Variants in KRT222 observed in about 807,000 individuals in gnomAD.
The protein encoded by KRT222 is keratin-like protein KRT222.
Under a neutral mutation model 35.0 loss-of-function variants are expected in KRT222, and 23 were observed. That is an observed-to-expected ratio of 0.66 (90% CI 0.47 to 0.93). KRT222 has a LOEUF of 0.93. Ranked by LOEUF, KRT222 falls within the 40% of genes least tolerant of loss-of-function variation. The probability of loss-of-function intolerance (pLI) is 0.00; values close to 1 mark genes in which losing one functional copy is unlikely to be tolerated. For synonymous variants in KRT222, 108 were observed against 118.8 expected, an observed-to-expected ratio of 0.91 and a Z score of 0.59; for missense variants, 339 against 346.3, an observed-to-expected ratio of 0.98 and a Z score of 0.17.
chr17:40,660,901 A>C (rs1163076180), intron 2 of KRT222, among the ~76,000 whole-genome samples: 1 of 152,088 alleles, frequency 6.6e-6, no homozygotes, highest in East Asian at 1.9e-4. Context: ...TCAAGGCCAG[A>C]GCAGACTGCT....
chr17:40,656,422 G>C lies in KRT222; in HGVS notation c.868C>G (p.Pro290Ala). The change falls in exon 6 of 6, where the codon CCT becomes GCT. Residue 290 changes from proline to alanine, a missense_variant. Pro to Ala is a conservative substitution (Grantham distance 27). Transcript: ENST00000394052. ...RRSCSIPSIKPPSTAN is the reference protein window; with the variant it reads ...RRSCSIPSIKAPSTAN ...TTGGATTAATTAGCTGTTGATGGAGGTTTGATAGAGGGAATACTGCATGAT... is the reference window on the plus strand; with the variant it reads ...TTGGATTAATTAGCTGTTGATGGAGCTTTGATAGAGGGAATACTGCATGAT... The C allele has an allele frequency of 6.2e-7, 1 of 1,613,094 alleles. No individual in the cohort carries two copies. Among genetic ancestry groups the C allele is most frequent in the East Asian group, 2.2e-5 (1 of 44,812 alleles).
intron 1 of KRT222, 151 bp from the exon 2 acceptor site, chr17:40,662,195 G>T: frequency 1.2e-6 from 1 of 836,806 alleles, no homozygotes. Flanking sequence ...CTAGTGCCTA[G>T]TTAACTAATT....
At chr17:40,664,813 G>A (rs767921042) in intron 1 of KRT222, 191 bp downstream of exon 1, 23 of 916,884 alleles carry the variant, frequency 2.5e-5, no homozygotes, top group African/African-American at 6.7e-5. Context: ...TTACTTAATG[G>A]CAATTTAACA....
intron 2 of KRT222, 63 bp downstream of exon 2, chr17:40,661,853 C>T: frequency 6.5e-7 from 1 of 1,550,088 alleles, no homozygotes; most frequent in East Asian, 2.3e-5. Context: ...TCATCTTTTC[C>T]TTCTCTTAAT....
At chr17:40,661,771 T>C in intron 2 of KRT222, 145 bp downstream of exon 2, 1 of 981,074 alleles carries the variant, frequency 1.0e-6, no homozygotes. Flanking sequence ...GAGGGGTGAG[T>C]AATTAAACTA....
chr17:40,659,554 G>A (rs2037368607), intron 3 of KRT222, among the ~76,000 whole-genome samples: 1 of 152,050 alleles, frequency 6.6e-6, no homozygotes, highest in South Asian at 2.1e-4. Context: ...CTCCCAAGTA[G>A]CTGGGACTAC....
Position 40,664,988 on chromosome 17 carries a change from T to G in KRT222, c.96+16A>C. On this transcript the variant is annotated intron_variant, in intron 1 of 5. Coordinates refer to ENST00000394052, the MANE Select transcript of KRT222 (RefSeq NM_152349.3). ...CTCCTTATTCTGGAAGGTGCCTGTC[T>G]GTATGAAATCATTACCTGGATCCTT... 1 of 1,613,936 alleles carries G rather than the reference T, an allele frequency of 6.2e-7. No individual in the cohort carries two copies. The highest frequency in any genetic ancestry group is 8.5e-7 in the Non-Finnish European group (1 of 1,179,974).
intron 1 of KRT222, among the ~76,000 whole-genome samples, chr17:40,664,020 A>AT (rs2037403692): frequency 6.6e-6 from 1 of 152,178 alleles, no homozygotes; most frequent in Non-Finnish European, 1.5e-5. Flanking sequence ...TAGAGGTGAA[A>AT]TTTACAATGG....
chr17:40,657,231 C>T, intron 5 of KRT222, 121 bp downstream of exon 5: 1 of 540,476 alleles, frequency 1.9e-6, no homozygotes, highest in Non-Finnish European at 2.8e-6. Flanking sequence ...AAAAAAATCA[C>T]AGTATACTAA....
chr17:40,663,055 T>C (rs562273937), intron 1 of KRT222, among the ~76,000 whole-genome samples: 1 of 152,324 alleles, frequency 6.6e-6, no homozygotes, highest in South Asian at 2.1e-4. Flanking sequence ...TGAAAATCTG[T>C]TCTTAGTGTT....
rs778148377 is a variant in KRT222 at position 40,662,033 on chromosome 17, GTCT to G, written c.105_107del (p.Glu35del). 5.6e-6 allele frequency: 9 copies of G among 1,613,238 alleles called. No homozygotes were observed. The African/African-American group carries it at 6.7e-5, about 12-fold the overall frequency. Reference sequence around the variant, plus strand: ...CATCTTTGTCCATTTTTTTGCTTATGTCTTCTTCTAGCTAACAAGAAAGCCAAC... The same window carrying G: ...CATCTTTGTCCATTTTTTTGCTTATGTCTTCTAGCTAACAAGAAAGCCAAC... On this transcript the variant is annotated inframe_deletion, in exon 2 of 6. Transcript: ENST00000394052.
chr17:40,665,152 G>A lies in KRT222; in HGVS notation c.-53C>T, dbSNP rs1248973313. 6.5e-6 allele frequency: 10 copies of A among 1,539,964 alleles called. No homozygotes were observed. Among genetic ancestry groups the A allele is most frequent in the Non-Finnish European group, 9.0e-6 (10 of 1,115,616 alleles). On this transcript the variant is annotated 5_prime_UTR_variant, in exon 1 of 6. Transcript: ENST00000394052. ...CTGAACCTTATCGATAGGATGAGTC[G>A]CTGCGGCAGTCTGCTCGGTCTGCGC...
chr17:40,662,794 A>T (rs1311124911), intron 1 of KRT222, among the ~76,000 whole-genome samples: 1 of 152,210 alleles, frequency 6.6e-6, no homozygotes, highest in Non-Finnish European at 1.5e-5. Flanking sequence ...ATGAAAAGAA[A>T]GTATCTGTTG....
chr17:40,663,299 C>T (rs2037398001), intron 1 of KRT222, among the ~76,000 whole-genome samples: 1 of 152,196 alleles, frequency 6.6e-6, no homozygotes, highest in South Asian at 2.1e-4. Flanking sequence ...TGACTCTGGG[C>T]TGACCTGGGT....
At position 40,655,615 on chromosome 17, in the gene KRT222, A is replaced by G. The variant is rs1488788381; in HGVS notation, c.*787T>C. Reference sequence around the variant, plus strand: ...TAACTACCTTTTCAATTTGCTTTTCATGTTTTGTTTGCGCAGTTGGCCTTC... The same window carrying G: ...TAACTACCTTTTCAATTTGCTTTTCGTGTTTTGTTTGCGCAGTTGGCCTTC... On this transcript the variant is annotated 3_prime_UTR_variant, in exon 6 of 6. Coordinates refer to ENST00000394052, the MANE Select transcript of KRT222 (RefSeq NM_152349.3). 1.3e-5 allele frequency: 2 copies of G among 152,000 alleles called. No homozygotes were observed. The highest frequency in any genetic ancestry group is 2.1e-4 in the South Asian group (1 of 4,822). 9.4% of individuals were successfully genotyped at this position (152,000 alleles called of 1,614,324 possible).
In KRT222 at chr17:40,660,097, CCTTA is replaced by C. The variant is rs1478631290; in HGVS notation, c.332_335del (p.Val111GlyfsTer19). 2 of 1,613,994 alleles carry C rather than the reference CCTTA, an allele frequency of 1.2e-6. No individual in the cohort carries two copies. Among genetic ancestry groups the C allele is most frequent in the African/African-American group, 2.7e-5 (2 of 74,906 alleles). ...CTTGAAGCTGCTTTTCGATGCCGCG[CCTTA>C]CTTCCTGTAGCTCTTTTTCTAGTCC... On this transcript the variant is annotated frameshift_variant, in exon 3 of 6. Transcript: ENST00000394052. LOFTEE classifies it high-confidence loss of function.
chr17:40,664,628 A>T (rs925459884), intron 1 of KRT222, among the ~76,000 whole-genome samples: 2 of 152,218 alleles, frequency 1.3e-5, no homozygotes, highest in Admixed American at 6.5e-5. Flanking sequence ...CATTTTAAAG[A>T]TGTTATTTAA....
chr17:40,657,825 A>G (rs2037356194), intron 3 of KRT222, 75 bp from the exon 4 acceptor site: 2 of 989,702 alleles, frequency 2.0e-6, no homozygotes, highest in Non-Finnish European at 3.2e-6. Flanking sequence ...GAGAATGGAT[A>G]AATCGTATAT....
At position 40,665,090 on chromosome 17, in the gene KRT222, A is replaced by T; in HGVS notation, c.10T>A (p.Ser4Thr). The T allele has an allele frequency of 1.2e-6, 2 of 1,613,862 alleles. No homozygotes were observed. The highest frequency in any genetic ancestry group is 1.7e-6 in the Non-Finnish European group (2 of 1,179,942). The change falls in exon 1 of 6, where the codon TCC becomes ACC. Residue 4 changes from serine to threonine, a missense_variant. Ser to Thr is a moderately conservative substitution (Grantham distance 58). Transcript: ENST00000394052. Reference protein sequence around the residue: MELSQLLNEIRANY... With the variant: MELTQLLNEIRANY... Reference sequence around the variant, plus strand: ...GCCCTGATCTCATTGAGTAGCTGGGACAGTTCCATTCTTTTCCCATCCTCC... The same window carrying T: ...GCCCTGATCTCATTGAGTAGCTGGGTCAGTTCCATTCTTTTCCCATCCTCC...
Sources: gnomAD v4.1 joint callset for allele counts (sites outside exome capture counted in the v4.1 genomes callset) on GRCh38, gnomAD v4.1.1 for gene constraint, MANE v1.5 for transcripts, NCBI Gene and HGNC (gene_info 2026-07-23, HGNC 2026-07-21) for gene names.